Variants in KCTD8 observed in about 807,000 individuals in gnomAD.
KCTD8 encodes the protein BTB/POZ domain-containing protein KCTD8.
In KCTD8, 27 loss-of-function variants were observed where a neutral mutation model predicts 31.5. The observed-to-expected ratio is 0.86, with a 90% CI of 0.63 to 1.18. The LOEUF is 1.18. Among genes scored for constraint, KCTD8 ranks in the 50% most tolerant of loss-of-function variants. KCTD8 has a pLI of 0.00. For synonymous variants in KCTD8, 290 were observed against 280.0 expected, an observed-to-expected ratio of 1.04 and a Z score of -0.36; for missense variants, 658 against 647.7, an observed-to-expected ratio of 1.02 and a Z score of -0.17.
intron 1 of KCTD8, among the ~76,000 whole-genome samples, chr4:44,180,272 T>C (rs935623446): frequency 1.3e-5 from 2 of 152,198 alleles, no homozygotes; most frequent in Non-Finnish European, 2.9e-5. Flanking sequence ...TCACCATTTA[T>C]TGAAGTGTAA....
chr4:44,180,582 T>TGCGCACAC (rs200270284), intron 1 of KCTD8, among the ~76,000 whole-genome samples: 4 of 145,176 alleles, frequency 2.8e-5, no homozygotes, highest in African/African-American at 7.7e-5. Flanking sequence ...TCAGTATACA[T>TGCGCACAC]ACATGCACAC....
chr4:44,231,286 T>C (rs1327505053), intron 1 of KCTD8, among the ~76,000 whole-genome samples: 1 of 152,144 alleles, frequency 6.6e-6, no homozygotes, highest in Non-Finnish European at 1.5e-5. Flanking sequence ...CTTCAATCAA[T>C]GCTATAACAC....
intron 1 of KCTD8, among the ~76,000 whole-genome samples, chr4:44,422,674 G>T (rs914512362): frequency 6.6e-6 from 1 of 152,114 alleles, no homozygotes; most frequent in African/African-American, 2.4e-5. Context: ...ATAGGAAGAA[G>T]AGGAGTTTGG....
intron 1 of KCTD8, among the ~76,000 whole-genome samples, chr4:44,260,125 A>T (rs1477511673): frequency 6.6e-6 from 1 of 151,054 alleles, no homozygotes; most frequent in East Asian, 2.0e-4. Flanking sequence ...ATCAAATGGA[A>T]GTATTTTATG....
At chr4:44,228,253 C>T (rs1715020401) in intron 1 of KCTD8, among the ~76,000 whole-genome samples, 2 of 152,266 alleles carry the variant, frequency 1.3e-5, no homozygotes, top group East Asian at 1.9e-4. Context: ...GGCTTCTCTC[C>T]TTGGCTTGTA....
chr4:44,245,692 C>T (rs1183598648), intron 1 of KCTD8, among the ~76,000 whole-genome samples: 2 of 151,656 alleles, frequency 1.3e-5, no homozygotes, highest in Admixed American at 1.3e-4. Context: ...GTTAATATTC[C>T]AATAACCATA....
intron 1 of KCTD8, among the ~76,000 whole-genome samples, chr4:44,346,407 A>C (rs2109421603): frequency 6.6e-6 from 1 of 152,272 alleles, no homozygotes; most frequent in East Asian, 1.9e-4. Flanking sequence ...ACTCCCATGT[A>C]AAATTGTGGT....
Position 44,397,558 on chromosome 4 carries a change from A to T in KCTD8, c.961+50005T>A, listed in dbSNP as rs190843869. Among the ~76,000 whole-genome samples, 7 of 152,320 alleles carry T rather than the reference A, an allele frequency of 4.6e-5. No homozygotes were observed. The East Asian group carries it at 1.2e-3, about 25-fold the overall frequency. On this transcript the variant is annotated intron_variant, in intron 1 of 1. Coordinates refer to ENST00000360029, the MANE Select transcript of KCTD8 (RefSeq NM_198353.3). The stretch of plus-strand genomic sequence containing the variant: ...AAATAGGAGTTCATACTTAAAGCAC[A>T]AAATTTTAAGCGGAGGAACCAAGTC...
chr4:44,446,339 T>C (rs1721937090), intron 1 of KCTD8, among the ~76,000 whole-genome samples: 3 of 152,226 alleles, frequency 2.0e-5, no homozygotes, highest in South Asian at 4.1e-4. Flanking sequence ...TCTATTTCCA[T>C]CACAGGATTT....
At chr4:44,381,882 C>A (rs1438171419) in intron 1 of KCTD8, among the ~76,000 whole-genome samples, 1 of 151,562 alleles carries the variant, frequency 6.6e-6, no homozygotes, top group Non-Finnish European at 1.5e-5. Context: ...GCTTGTCCAG[C>A]CTACAGAACC....
chr4:44,203,872 C>G (rs1714222413), intron 1 of KCTD8, among the ~76,000 whole-genome samples: 2 of 150,554 alleles, frequency 1.3e-5, no homozygotes, highest in South Asian at 4.2e-4. Flanking sequence ...AATCAGGCTC[C>G]ACAAAAAATA....
intron 1 of KCTD8, among the ~76,000 whole-genome samples, chr4:44,204,317 C>T (rs904658838): frequency 2.0e-5 from 3 of 152,080 alleles, no homozygotes; most frequent in African/African-American, 7.2e-5. Flanking sequence ...AAATAAAAGG[C>T]AGAAATGAAA....
chr4:44,259,715 A>G (rs1360421243), intron 1 of KCTD8, among the ~76,000 whole-genome samples: 2 of 151,910 alleles, frequency 1.3e-5, no homozygotes, highest in African/African-American at 4.8e-5. Context: ...TTTCTTCCAT[A>G]TAAGTTGTCT....
intron 1 of KCTD8, among the ~76,000 whole-genome samples, chr4:44,446,965 C>A (rs1412308301): frequency 2.0e-5 from 3 of 152,176 alleles, no homozygotes; most frequent in Non-Finnish European, 4.4e-5. Context: ...TCCCCACACC[C>A]GCTCTCATGC....
chr4:44,277,522 G>A (rs997914712), intron 1 of KCTD8, among the ~76,000 whole-genome samples: 7 of 151,478 alleles, frequency 4.6e-5, no homozygotes, highest in African/African-American at 1.7e-4. Context: ...ACAGCTACAC[G>A]GAGTAAATCA....
At chr4:44,380,423 A>C (rs537862805) in intron 1 of KCTD8, among the ~76,000 whole-genome samples, 1 of 151,988 alleles carries the variant, frequency 6.6e-6, no homozygotes, top group South Asian at 2.1e-4. Flanking sequence ...ATCTCAAAAA[A>C]AAAAAAAAAT....
intron 1 of KCTD8, among the ~76,000 whole-genome samples, chr4:44,320,918 A>G (rs1455244419): frequency 1.3e-5 from 2 of 152,156 alleles, no homozygotes; most frequent in East Asian, 3.8e-4. Context: ...AAGGCAAGGA[A>G]AAGGATAACA....
chr4:44,278,222 T>C (rs1322603753), intron 1 of KCTD8, among the ~76,000 whole-genome samples: 1 of 152,032 alleles, frequency 6.6e-6, no homozygotes, highest in East Asian at 1.9e-4. Context: ...GAAATCCAAA[T>C]ATATAGTAAC....
intron 1 of KCTD8, among the ~76,000 whole-genome samples, chr4:44,414,450 G>A (rs902641046): frequency 2.6e-5 from 4 of 152,110 alleles, no homozygotes; most frequent in Non-Finnish European, 5.9e-5. Flanking sequence ...GCTCTGGGTA[G>A]TGGGCTATAA....
Sources: allele counts gnomAD v4.1 joint callset (sites outside exome capture counted in the v4.1 genomes callset), GRCh38; gene constraint gnomAD v4.1.1; transcripts MANE v1.5; gene names NCBI Gene and HGNC (gene_info 2026-07-23, HGNC 2026-07-21).